The following ELF1 variants were observed in gnomAD, a reference collection of about 807,000 sequenced individuals.
The protein encoded by ELF1 is ETS-related transcription factor Elf-1.
In ELF1, 24 loss-of-function variants were observed where a neutral mutation model predicts 59.9. The observed-to-expected ratio is 0.40, with a 90% CI of 0.29 to 0.56. The LOEUF is 0.56. ELF1 is among the 20% of genes least tolerant of loss of function. ELF1 has a pLI of 0.44. For missense variants in ELF1, 627 were observed against 742.2 expected, an observed-to-expected ratio of 0.84 and a Z score of 1.80; for synonymous variants, 248 against 266.2, an observed-to-expected ratio of 0.93 and a Z score of 0.67.
intron 1 of ELF1, among the ~76,000 whole-genome samples, chr13:41,008,791 T>A (rs1381433513): frequency 6.6e-6 from 1 of 152,200 alleles, no homozygotes; most frequent in Admixed American, 6.5e-5. Context: ...GACATCTGTG[T>A]GAGGCTGAAT....
chr13:40,983,997 T>G (rs1462100430), intron 1 of ELF1, among the ~76,000 whole-genome samples: 1 of 152,172 alleles, frequency 6.6e-6, no homozygotes, highest in Non-Finnish European at 1.5e-5. Context: ...CAAGGACTGC[T>G]CCCTTCAAAA....
chr13:41,001,563 GCATAAGAA>G (rs1874448212), intron 1 of ELF1, among the ~76,000 whole-genome samples: 1 of 152,096 alleles, frequency 6.6e-6, no homozygotes, highest in South Asian at 2.1e-4. Context: ...AGCGTGGTTG[GCATAAGAA>G]CAGACATACA....
intron 1 of ELF1, among the ~76,000 whole-genome samples, chr13:41,058,215 A>T (rs1296632932): frequency 6.6e-6 from 1 of 152,180 alleles, no homozygotes; most frequent in Non-Finnish European, 1.5e-5. Flanking sequence ...CCTAGTCAAA[A>T]TTTATCAAGT....
rs2138133730 is a variant in ELF1 at position 40,942,954 on chromosome 13, G to T, written c.804C>A (p.Leu268=). ...DMNYETMGRA[L]RYYYQRGILA... ...TAAAATACCAAAACTTCGCATACCT[G>T]AGTGCTCTTCCCATGGTCTCATAAT... The change falls in exon 7 of 9, where the codon CTC becomes CTA. Residue 268 remains leucine, a splice_region_variant and synonymous_variant. Coordinates refer to ENST00000239882, the MANE Select transcript of ELF1 (RefSeq NM_172373.4). The T allele has an allele frequency of 6.4e-7, 1 of 1,573,348 alleles. No individual in the cohort carries two copies.
chr13:41,008,125 G>T (rs1874856470), intron 1 of ELF1, among the ~76,000 whole-genome samples: 1 of 152,150 alleles, frequency 6.6e-6, no homozygotes, highest in Admixed American at 6.5e-5. Flanking sequence ...TTAATATTCT[G>T]AGTGATAAAA....
At chr13:41,004,934 T>A (rs1874656244) in intron 1 of ELF1, among the ~76,000 whole-genome samples, 1 of 152,118 alleles carries the variant, frequency 6.6e-6, no homozygotes, top group Non-Finnish European at 1.5e-5. Context: ...AAAAGTTTAA[T>A]AAAACTAGCT....
At chr13:40,986,522 A>T (rs1566181053) in intron 1 of ELF1, among the ~76,000 whole-genome samples, 1 of 152,210 alleles carries the variant, frequency 6.6e-6, no homozygotes, top group Non-Finnish European at 1.5e-5. Flanking sequence ...AGTCTCTATT[A>T]CCATAGCTAT....
upstream of ELF1, among the ~76,000 whole-genome samples, chr13:41,023,004 A>C (rs1025426441): frequency 6.6e-6 from 1 of 152,230 alleles, no homozygotes; most frequent in Non-Finnish European, 1.5e-5. Context: ...AAATGTACAT[A>C]CTGTGGGTAT....
At chr13:41,041,655 A>G (rs997760663) in intron 1 of ELF1, among the ~76,000 whole-genome samples, 2 of 152,138 alleles carry the variant, frequency 1.3e-5, no homozygotes, top group African/African-American at 4.8e-5. Flanking sequence ...AGCCTGAGCA[A>G]CAGAGTGAGA....
chr13:41,048,027 T>G (rs946850673), intron 1 of ELF1, among the ~76,000 whole-genome samples: 2 of 152,228 alleles, frequency 1.3e-5, no homozygotes, highest in Non-Finnish European at 2.9e-5. Context: ...GATCTCAGAC[T>G]GCTGTGTTAG....
At position 41,016,696 on chromosome 13, in the gene ELF1, C is replaced by T. The variant is rs375311819; in HGVS notation, c.-229+2532G>A. ...TTGGGAGGCCGAGGTGAGCGGATCA[C>T]CCAAGGTCGGGAGTTCAGGACCAGC... On this transcript the variant is annotated intron_variant, in intron 1 of 8. Coordinates refer to ENST00000239882, the MANE Select transcript of ELF1 (RefSeq NM_172373.4). Among the ~76,000 whole-genome samples, 52 of 151,608 alleles carry T rather than the reference C, an allele frequency of 3.4e-4. 1 individual carries two copies. The East Asian group carries it at 7.8e-3, about 23-fold the overall frequency.
chr13:41,014,939 T>A (rs1875271179), intron 1 of ELF1, among the ~76,000 whole-genome samples: 1 of 151,862 alleles, frequency 6.6e-6, no homozygotes, highest in Admixed American at 6.6e-5. Context: ...AAAAGTTACT[T>A]CCTCCCAGAC....
intron 1 of ELF1, 65 bp from the exon 2 acceptor site, chr13:40,982,347 T>C: frequency 1.8e-6 from 2 of 1,087,682 alleles, no homozygotes; most frequent in South Asian, 7.7e-5. Context: ...TAATAACTGA[T>C]ACAGAGGGCA....
intron 1 of ELF1, among the ~76,000 whole-genome samples, chr13:41,060,419 T>A (rs1192145387): frequency 2.6e-5 from 4 of 151,702 alleles, no homozygotes; most frequent in Non-Finnish European, 2.9e-5. Flanking sequence ...AATCATCACC[T>A]CCCGGGCGTC....
At chr13:40,955,789 C>A (rs1370826106) in intron 3 of ELF1, among the ~76,000 whole-genome samples, 1 of 52,220 alleles carries the variant, frequency 1.9e-5, no homozygotes, top group Non-Finnish European at 3.3e-5. Flanking sequence ...GTCAGCCCCC[C>A]GCCCGGCCAG....
chr13:40,999,576 C>G (rs551094429), intron 1 of ELF1, among the ~76,000 whole-genome samples: 23 of 152,214 alleles, frequency 1.5e-4, no homozygotes, highest in African/African-American at 5.5e-4. Flanking sequence ...AACTGGGTTG[C>G]AACAATAGAT....
rs1277071999 is a variant in ELF1, at chr13:40,942,786, T to C, written c.806+166A>G. ...ATCCACCGGCCTCAGCCTCCCAAAG[T>C]GTTGGGATTACAGGCATGAGCCACC... On this transcript the variant is annotated intron_variant, in intron 7 of 8. Coordinates refer to ENST00000239882, the MANE Select transcript of ELF1 (RefSeq NM_172373.4). Among the ~76,000 whole-genome samples, 7 of 152,096 alleles carry C rather than the reference T, an allele frequency of 4.6e-5. No homozygotes were observed. In the East Asian group the frequency reaches 1.3e-3, roughly 29 times the overall value.
intron 8 of ELF1, among the ~76,000 whole-genome samples, chr13:40,934,349 A>T (rs191690913): frequency 6.6e-6 from 1 of 151,074 alleles, no homozygotes; most frequent in East Asian, 1.9e-4. Context: ...TAAAATGCTT[A>T]GCAAGAAGTT....
At chr13:40,964,414 G>T (rs1214920053) in intron 2 of ELF1, among the ~76,000 whole-genome samples, 2 of 152,104 alleles carry the variant, frequency 1.3e-5, no homozygotes, top group Admixed American at 1.3e-4. Context: ...TGCAGACTGT[G>T]GGGGAAGGAA....
Sources: gnomAD v4.1 joint callset for allele counts (sites outside exome capture counted in the v4.1 genomes callset) on GRCh38, gnomAD v4.1.1 for gene constraint, MANE v1.5 for transcripts, NCBI Gene and HGNC (gene_info 2026-07-23, HGNC 2026-07-21) for gene names.